The following U2SURP variants were observed in gnomAD, a reference collection of about 807,000 sequenced individuals.
U2SURP encodes U2 snRNP-associated SURP motif-containing protein.
Under a neutral mutation model 144.9 loss-of-function variants are expected in U2SURP, and 9 were observed. The observed-to-expected ratio is 0.06, with a 90% CI of 0.04 to 0.11. The LOEUF (loss-of-function observed/expected upper bound fraction) is 0.11, where lower values mean the gene tolerates loss of function less well. Ranked by LOEUF, U2SURP falls within the 10% of genes least tolerant of loss-of-function variation. The probability of loss-of-function intolerance (pLI) is 1.00; values close to 1 mark genes in which losing one functional copy is unlikely to be tolerated. For missense variants in U2SURP, 724 were observed against 1,226.7 expected (o/e 0.59, Z 6.12); for synonymous variants, 408 against 396.8 (o/e 1.03, Z -0.33).
intron 14 of U2SURP, 96 bp downstream of exon 14, chr3:143,027,349 A>C: frequency 1.2e-6 from 1 of 857,548 alleles, no homozygotes. Context: ...AAGTACATTC[A>C]CATTGTTGTA....
chr3:143,009,852 TTTATC>T (rs1267439621), intron 1 of U2SURP, among the ~76,000 whole-genome samples: 4 of 152,228 alleles, frequency 2.6e-5, no homozygotes, highest in African/African-American at 7.2e-5. Context: ...AAACTAATAT[TTTATC>T]TTGTACTTTA....
At chr3:143,030,127 G>C (rs776473271) in intron 16 of U2SURP, among the ~76,000 whole-genome samples, 9 of 152,246 alleles carry the variant, frequency 5.9e-5, no homozygotes, top group Non-Finnish European at 1.0e-4. Context: ...TGAGGTCATT[G>C]ATGAAGGTGG....
At chr3:143,041,816 A>G (rs960784220) in intron 23 of U2SURP, among the ~76,000 whole-genome samples, 7 of 152,070 alleles carry the variant, frequency 4.6e-5, no homozygotes, top group African/African-American at 1.4e-4. Context: ...AGATTCAAGT[A>G]TTAAAGGCAA....
intron 13 of U2SURP, chr3:143,026,380 A>G (rs371902433): frequency 2.6e-5 from 4 of 152,304 alleles, no homozygotes; most frequent in South Asian, 2.1e-4. Context: ...TTTTGGAAAG[A>G]GTAGTACTCC....
intron 1 of U2SURP, among the ~76,000 whole-genome samples, chr3:143,004,648 A>T (rs1417963700): frequency 7.3e-6 from 1 of 136,200 alleles, no homozygotes; most frequent in Non-Finnish European, 1.5e-5. Context: ...TTCTAGTTTT[A>T]AAATGATACT....
Position 143,059,461 on chromosome 3 carries a change from ATTAAAT to A in U2SURP, c.*3015_*3020del, listed in dbSNP as rs1227979702. 11 of 151,960 alleles carry A rather than the reference ATTAAAT, an allele frequency of 7.2e-5. No individual in the cohort carries two copies. Among genetic ancestry groups the A allele is most frequent in the Admixed American group, 7.2e-4 (11 of 15,242 alleles). 9.4% of individuals were successfully genotyped at this position (151,960 alleles called of 1,614,324 possible). ...ATACTTTTGAGAAATTTTAACTGTG[ATTAAAT>A]TTAGGTTTATTAGAAATATTCTGTA... On this transcript the variant is annotated 3_prime_UTR_variant, in exon 28 of 28. Coordinates refer to ENST00000473835, the MANE Select transcript of U2SURP (RefSeq NM_001080415.2).
At chr3:143,008,285 T>C (rs1935946606) in intron 1 of U2SURP, among the ~76,000 whole-genome samples, 1 of 152,254 alleles carries the variant, frequency 6.6e-6, no homozygotes, top group African/African-American at 2.4e-5. Flanking sequence ...GAGTTAACTA[T>C]ATGGAAATAG....
chr3:143,049,712 A>G (rs1278042809), intron 24 of U2SURP, among the ~76,000 whole-genome samples: 1 of 152,204 alleles, frequency 6.6e-6, no homozygotes, highest in Admixed American at 6.5e-5. Flanking sequence ...TTTTATTTTA[A>G]CCACTTTGTG....
In U2SURP at chr3:143,014,414, T is replaced by C. The variant is rs776190943; in HGVS notation, c.321+5T>C. The C allele has an allele frequency of 2.6e-6, 4 of 1,564,682 alleles. No homozygotes were observed. Among genetic ancestry groups the C allele is most frequent in the African/African-American group, 1.4e-5 (1 of 73,596 alleles). On this transcript the variant is annotated splice_donor_5th_base_variant and intron_variant, in intron 4 of 27. Transcript: ENST00000473835. ...CAGGAAGAATTAAAGAAAAAGGTAA[T>C]GTTGAAAATGTATTTTGAATTATCC...
At position 143,056,572 on chromosome 3, in the gene U2SURP, G is replaced by A; in HGVS notation, c.*122G>A. The A allele has an allele frequency of 1.8e-6, 2 of 1,135,296 alleles. No homozygotes were observed. Among genetic ancestry groups the A allele is most frequent in the East Asian group, 2.6e-5 (1 of 39,010 alleles). The allele number at this position is 1,135,296 out of a possible 1,614,324, so 70.3% of individuals were successfully genotyped here. On this transcript the variant is annotated 3_prime_UTR_variant, in exon 28 of 28. Transcript: ENST00000473835. ...CATTCCTGGGGTTTTTTGTTTGTTT[G>A]TGTATGCATGTGTAAACTCATGAGC...
chr3:143,049,115 C>G (rs1243657521), intron 24 of U2SURP, among the ~76,000 whole-genome samples: 1 of 143,596 alleles, frequency 7.0e-6, no homozygotes, highest in Non-Finnish European at 1.5e-5. Flanking sequence ...AAAAAAGATT[C>G]AAAAATTAGG....
chr3:143,045,821 C>T (rs1016876268), intron 24 of U2SURP, among the ~76,000 whole-genome samples: 1 of 152,224 alleles, frequency 6.6e-6, no homozygotes, highest in Non-Finnish European at 1.5e-5. Context: ...ATCTTGGCTT[C>T]ATCTTAAAAT....
intron 24 of U2SURP, among the ~76,000 whole-genome samples, chr3:143,045,623 G>A (rs1026696142): frequency 6.6e-6 from 1 of 152,062 alleles, no homozygotes; most frequent in Admixed American, 6.6e-5. Context: ...GTATATATGC[G>A]ATACACGTGC....
intron 18 of U2SURP, 168 bp from the exon 19 acceptor site, chr3:143,034,720 A>G: frequency 1.8e-6 from 1 of 548,030 alleles, no homozygotes. Context: ...ATAAGAGTTC[A>G]AGCAATTCAG....
chr3:143,020,771 C>A (rs1936590328), intron 8 of U2SURP, 78 bp downstream of exon 8: 3 of 1,059,644 alleles, frequency 2.8e-6, no homozygotes, highest in Non-Finnish European at 1.4e-6. Context: ...GGGTTACATT[C>A]CAAGGATCAC....
intron 17 of U2SURP, 65 bp downstream of exon 17, chr3:143,033,011 C>T: frequency 6.5e-7 from 1 of 1,540,864 alleles, no homozygotes; most frequent in East Asian, 2.3e-5. Flanking sequence ...AATTGGTTTC[C>T]TTTTTGCACA....
intron 27 of U2SURP, 147 bp downstream of exon 27, chr3:143,055,266 T>C (rs1935087468): frequency 2.8e-6 from 2 of 704,030 alleles, no homozygotes; most frequent in Admixed American, 6.8e-5. Context: ...TTTTTGGTTA[T>C]TCCTCCCCAC....
At position 143,058,734 on chromosome 3, in the gene U2SURP, A is replaced by G. The variant is rs528424956; in HGVS notation, c.*2284A>G. 2.0e-5 allele frequency: 3 copies of G among 152,014 alleles called. No homozygotes were observed. The highest frequency in any genetic ancestry group is 4.8e-5 in the African/African-American group (2 of 41,544). 9.4% of individuals were successfully genotyped at this position (152,014 alleles called of 1,614,324 possible). On this transcript the variant is annotated 3_prime_UTR_variant, in exon 28 of 28. Coordinates refer to ENST00000473835, the MANE Select transcript of U2SURP (RefSeq NM_001080415.2). ...TATAAGGGGGAAGATATTCTACCAT[A>G]TTTTTATAATAGCTTATTATTCATG...
rs371934749 is a variant in U2SURP, at chr3:143,056,396, C to T, written c.3036C>T (p.Ser1012=). Residue 1012 remains serine, a synonymous_variant, in exon 28 of 28, where the codon TCC becomes TCT. Transcript: ENST00000473835. ...AAAAATCAGGAAAGAAGTCCAGATC[C>T]CAGTCCAGATCTCCACACAGGTCTC... The part of the protein sequence containing the change: ...SPKKSGKKSR[S]QSRSPHRSHK... 195 of 1,612,412 alleles carry T rather than the reference C, an allele frequency of 1.2e-4. No homozygotes were observed. Among genetic ancestry groups the T allele is most frequent in the Non-Finnish European group, 1.5e-4 (182 of 1,179,232 alleles).
Sources: gnomAD v4.1 joint callset for allele counts (sites outside exome capture counted in the v4.1 genomes callset) on GRCh38, gnomAD v4.1.1 for gene constraint, MANE v1.5 for transcripts, NCBI Gene and HGNC (gene_info 2026-07-23, HGNC 2026-07-21) for gene names.